The following BRI3BP variants were observed in gnomAD, a reference collection of about 807,000 sequenced individuals.
The protein encoded by BRI3BP is BRI3-binding protein.
BRI3BP carries 7 observed loss-of-function variants against 15.8 expected under a neutral mutation model. The observed-to-expected ratio is 0.44, with a 90% CI of 0.25 to 0.83. The LOEUF (loss-of-function observed/expected upper bound fraction) is 0.83. BRI3BP is among the 40% of genes least tolerant of loss of function. The probability of loss-of-function intolerance (pLI) is 0.20; values close to 1 mark genes in which losing one functional copy is unlikely to be tolerated. For missense variants in BRI3BP, 320 were observed against 339.3 expected (o/e 0.94, Z 0.45); for synonymous variants, 192 against 163.5 (o/e 1.17, Z -1.33).
chr12:125,029,234 C>G lies in BRI3BP; in HGVS notation c.*3804C>G, dbSNP rs1281779989. On this transcript the variant is annotated 3_prime_UTR_variant, in exon 3 of 3. Transcript: ENST00000341446. ...ACCTTTCATAAATATACTTTCCAGG[C>G]TGGGTGCAGTGGCTCAAGCTTGTAA... 2 of 151,842 alleles carry G rather than the reference C, an allele frequency of 1.3e-5. No individual in the cohort carries two copies. Among genetic ancestry groups the G allele is most frequent in the East Asian group, 3.9e-4 (2 of 5,180 alleles). 9.4% of individuals were successfully genotyped at this position (151,842 alleles called of 1,614,324 possible). A position where few individuals can be genotyped will look rare whatever the true frequency, so the allele number is the denominator to read the frequency against.
intron 2 of BRI3BP, among the ~76,000 whole-genome samples, chr12:125,016,355 GTT>G (rs55938703): frequency 2.1e-5 from 3 of 143,110 alleles, no homozygotes; most frequent in Admixed American, 7.0e-5. Context: ...TTTCTTCAGT[GTT>G]TTTTTTTTTT....
chr12:125,020,891 TA>T (rs1197667268), intron 2 of BRI3BP, among the ~76,000 whole-genome samples: 1 of 152,000 alleles, frequency 6.6e-6, no homozygotes, highest in African/African-American at 2.4e-5. Flanking sequence ...AATAAATAAA[TA>T]AATAAATAAT....
the BRI3BP span, among the ~76,000 whole-genome samples, chr12:125,048,695 TATA>T: frequency 1.4e-3 from 217 of 150,970 alleles, 1 homozygote; most frequent in Admixed American, 2.8e-3. Flanking sequence ...AAACTTAAAG[TATA>T]ATAATAATAA....
chr12:125,043,153 A>G, the BRI3BP span, among the ~76,000 whole-genome samples: 1 of 152,008 alleles, frequency 6.6e-6, no homozygotes, highest in Non-Finnish European at 1.5e-5. Context: ...TGAAATAACA[A>G]TGTGTGGTAT....
chr12:125,025,123 T>C lies in BRI3BP; in HGVS notation c.449T>C (p.Leu150Pro). 6.2e-7 allele frequency: 1 copy of C among 1,614,136 alleles called. No individual in the cohort carries two copies. Among genetic ancestry groups the C allele is most frequent in the Non-Finnish European group, 8.5e-7 (1 of 1,180,038 alleles). Residue 150 changes from leucine to proline, a missense_variant, in exon 3 of 3, where the codon CTG (leucine) becomes CCG (proline). Coordinates refer to ENST00000341446, the MANE Select transcript of BRI3BP (RefSeq NM_080626.6). ...SLTLGFTFSV[L>P]HVVFGRFFWI... ...ACCCTGGGCTTCACTTTCAGCGTCC[T>C]GCACGTGGTGTTCGGCCGCTTCTTC... is the stretch of plus-strand genomic sequence containing the variant.
chr12:125,021,732 C>G (rs1369104052), intron 2 of BRI3BP, among the ~76,000 whole-genome samples: 3 of 152,160 alleles, frequency 2.0e-5, no homozygotes, highest in African/African-American at 7.2e-5. Context: ...GAGGGGTAAA[C>G]TGCCAAACAC....
At chr12:125,032,143 T>C (rs1183685760), downstream of BRI3BP, among the ~76,000 whole-genome samples, 3 of 152,136 alleles carry the variant, frequency 2.0e-5, no homozygotes, top group Admixed American at 6.6e-5. Context: ...GCAGCTCATT[T>C]GAATAAAGTC....
Position 125,029,579 on chromosome 12 carries a change from T to TATAC in BRI3BP, c.*4150_*4151insTACA, listed in dbSNP as rs149881846. On this transcript the variant is annotated 3_prime_UTR_variant, in exon 3 of 3. Transcript: ENST00000341446. ...GTGTGTATATATATGTATATATATA[T>TATAC]ACACACACACACACTTTCCAATACC... 3.4e-5 allele frequency: 5 copies of TATAC among 147,634 alleles called. No homozygotes were observed. The highest frequency in any genetic ancestry group is 2.0e-4 in the East Asian group (1 of 5,044). 9.1% of individuals were successfully genotyped at this position (147,634 alleles called of 1,614,324 possible). A position where few individuals can be genotyped will look rare whatever the true frequency, so the allele number is the denominator to read the frequency against.
At chr12:125,041,517 A>C in the BRI3BP span, among the ~76,000 whole-genome samples, 1 of 152,110 alleles carries the variant, frequency 6.6e-6, no homozygotes, top group Non-Finnish European at 1.5e-5. Flanking sequence ...ACATGTCCTG[A>C]AACCCTGCTG....
At chr12:125,003,782 A>G (rs1185739598) in intron 1 of BRI3BP, among the ~76,000 whole-genome samples, 1 of 151,982 alleles carries the variant, frequency 6.6e-6, no homozygotes, top group Non-Finnish European at 1.5e-5. Context: ...GTGAAACCCC[A>G]TCTCTACTAA....
chr12:125,012,448 G>A, intron 1 of BRI3BP, 86 bp from the exon 2 acceptor site: 1 of 1,110,364 alleles, frequency 9.0e-7, no homozygotes, highest in Non-Finnish European at 1.4e-6. Flanking sequence ...CCCTTCCCAG[G>A]TATAAACTCC....
the BRI3BP span, among the ~76,000 whole-genome samples, chr12:125,046,577 T>A: frequency 6.6e-6 from 1 of 151,684 alleles, no homozygotes; most frequent in Admixed American, 6.6e-5. Flanking sequence ...AAAAAAAAAA[T>A]GTTTAAAAGA....
downstream of BRI3BP, among the ~76,000 whole-genome samples, chr12:125,034,833 C>G (rs552802510): frequency 4.3e-4 from 65 of 152,282 alleles, no homozygotes; most frequent in Middle Eastern, 3.4e-3. Context: ...TGTATTCTGC[C>G]CACCTTGGCC....
chr12:125,032,812 A>G (rs1565909362), downstream of BRI3BP, among the ~76,000 whole-genome samples: 1 of 152,192 alleles, frequency 6.6e-6, no homozygotes, highest in Non-Finnish European at 1.5e-5. Flanking sequence ...TGAAAGCAAC[A>G]TTCGAATTAA....
At chr12:124,995,224 G>A (rs767036750) in intron 1 of BRI3BP, among the ~76,000 whole-genome samples, 1 of 152,196 alleles carries the variant, frequency 6.6e-6, no homozygotes, top group Non-Finnish European at 1.5e-5. Flanking sequence ...TACATGTAGG[G>A]GAGAGAACGC....
intron 2 of BRI3BP, among the ~76,000 whole-genome samples, chr12:125,022,537 A>ATTTTTTTTTTTTTTTTTTTTTTTTTT (rs1391143992): frequency 7.1e-5 from 5 of 70,612 alleles, no homozygotes; most frequent in African/African-American, 3.1e-4. Context: ...TTATTTATTT[A>ATTTTTTTTTTTTTTTTTTTTTTTTTT]TTTATTTTTT....
chr12:125,039,173 A>T, the BRI3BP span, among the ~76,000 whole-genome samples: 4 of 152,226 alleles, frequency 2.6e-5, no homozygotes, highest in African/African-American at 9.6e-5. Context: ...GGAACAGCTA[A>T]TAAGGAATCA....
chr12:125,002,452 T>TG (rs1565902202), intron 1 of BRI3BP, among the ~76,000 whole-genome samples: 4 of 149,536 alleles, frequency 2.7e-5, no homozygotes, highest in African/African-American at 9.9e-5. Flanking sequence ...TGGTTTTTTT[T>TG]TTTGTTTTGT....
chr12:124,993,839 C>CTGCTGG lies in BRI3BP; in HGVS notation c.54_55insGTGCTG (p.Leu18_Leu19insValLeu). 1 of 1,163,162 alleles carries CTGCTGG rather than the reference C, an allele frequency of 8.6e-7. No homozygotes were observed. The highest frequency in any genetic ancestry group is 3.0e-5 in the South Asian group (1 of 33,358). 72.1% of individuals were successfully genotyped at this position (1,163,162 alleles called of 1,614,324 possible). On this transcript the variant is annotated inframe_insertion, in exon 1 of 3. Transcript: ENST00000341446. ...GCCCCTGGCCCGGGCCGGGCTCCTG[C>CTGCTGG]TGCTGCTGCTGCTGCTGCTGCTGCT...
Sources: allele counts gnomAD v4.1 joint callset (sites outside exome capture counted in the v4.1 genomes callset), GRCh38; gene constraint gnomAD v4.1.1; transcripts MANE v1.5; gene names NCBI Gene and HGNC (gene_info 2026-07-23, HGNC 2026-07-21).